EFNA5: variants seen among roughly 807,000 people sequenced by gnomAD.
EFNA5 encodes ephrin A5, also known as ephrin-A5.
A neutral mutation model predicts 22.9 loss-of-function variants in EFNA5; 5 were observed. The ratio of observed to expected loss-of-function variants is 0.22; its 90% CI spans 0.11 to 0.46. The LOEUF (loss-of-function observed/expected upper bound fraction) is 0.46. EFNA5 is among the 20% of genes least tolerant of loss of function. The pLI is 0.99. For missense variants in EFNA5, 237 were observed against 293.3 expected, an observed-to-expected ratio of 0.81 and a Z score of 1.40; for synonymous variants, 113 against 112.2, an observed-to-expected ratio of 1.01 and a Z score of -0.04.
intron 1 of EFNA5, among the ~76,000 whole-genome samples, chr5:107,559,404 T>C (rs1307163410): frequency 1.3e-5 from 2 of 152,236 alleles, no homozygotes; most frequent in East Asian, 3.8e-4. Flanking sequence ...GGATATAGTA[T>C]AGCAACAGGC....
intron 1 of EFNA5, among the ~76,000 whole-genome samples, chr5:107,630,893 A>G (rs1750235371): frequency 6.6e-6 from 1 of 152,148 alleles, no homozygotes; most frequent in Admixed American, 6.5e-5. Flanking sequence ...AAACGAAGAC[A>G]TAAACTCACA....
chr5:107,509,144 T>C (rs1260370342), intron 1 of EFNA5, among the ~76,000 whole-genome samples: 1 of 152,310 alleles, frequency 6.6e-6, no homozygotes, highest in East Asian at 1.9e-4. Context: ...TAGCGTGACA[T>C]GTTAGTAGTC....
intron 1 of EFNA5, among the ~76,000 whole-genome samples, chr5:107,596,069 A>C (rs891543910): frequency 6.6e-6 from 1 of 152,234 alleles, no homozygotes; most frequent in Non-Finnish European, 1.5e-5. Context: ...AATGGGAAGC[A>C]GTACAGCTAA....
Position 107,515,356 on chromosome 5 carries a change from T to TTTAA in EFNA5, c.126-87848_126-87847insTTAA, listed in dbSNP as rs1747454294. 2.4e-5 allele frequency among the ~76,000 whole-genome samples: 3 copies of TTTAA among 125,952 alleles called. No individual in the cohort carries two copies. The South Asian group carries it at 8.3e-4, about 35-fold the overall frequency. The allele number at this position is 125,952 out of a possible 152,430, so 82.6% of individuals were successfully genotyped here. Reference sequence around the variant, plus strand: ...CCAGCATCAAGACATGGTTTTTATTTTTTATTTTATTATTATTATTATTAT... The same window carrying TTTAA: ...CCAGCATCAAGACATGGTTTTTATTTTTAATTTATTTTATTATTATTATTATTAT... On this transcript the variant is annotated intron_variant, in intron 1 of 4. Coordinates refer to ENST00000333274, the MANE Select transcript of EFNA5 (RefSeq NM_001962.3).
intron 1 of EFNA5, among the ~76,000 whole-genome samples, chr5:107,597,835 C>A (rs1231414944): frequency 6.6e-6 from 1 of 152,122 alleles, no homozygotes; most frequent in East Asian, 1.9e-4. Flanking sequence ...ACTGAAAATT[C>A]TTCAGCTGCT....
At position 107,473,164 on chromosome 5, in the gene EFNA5, C is replaced by A. The variant is rs116533671; in HGVS notation, c.126-45655G>T. On this transcript the variant is annotated intron_variant, in intron 1 of 4. Coordinates refer to ENST00000333274, the MANE Select transcript of EFNA5 (RefSeq NM_001962.3). ...GTTGGAAGTTGTAGCCTTTGTACTG[C>A]TGACATTGGTTGAAACTTTGCCTCT... is the stretch of plus-strand genomic sequence containing the variant. 7.7e-3 allele frequency among the ~76,000 whole-genome samples: 1,178 copies of A among 152,100 alleles called. 20 individuals are homozygous for A. The highest frequency in any genetic ancestry group is 0.027 in the African/African-American group (1,135 of 41,484).
intron 1 of EFNA5, among the ~76,000 whole-genome samples, chr5:107,502,176 C>T (rs892263106): frequency 6.6e-6 from 1 of 152,194 alleles, no homozygotes; most frequent in Non-Finnish European, 1.5e-5. Context: ...GGCACACTGG[C>T]CATCCACTGC....
chr5:107,596,767 G>A (rs895894393), intron 1 of EFNA5, among the ~76,000 whole-genome samples: 2 of 151,912 alleles, frequency 1.3e-5, no homozygotes, highest in Admixed American at 6.6e-5. Flanking sequence ...CATTCTCCCC[G>A]TCCAAAGTAG....
intron 1 of EFNA5, among the ~76,000 whole-genome samples, chr5:107,596,319 AT>A (rs935946061): frequency 9.9e-5 from 15 of 152,222 alleles, no homozygotes; most frequent in Middle Eastern, 3.4e-3. Context: ...TGGCAACCAT[AT>A]TTCCAGAGCT....
intron 2 of EFNA5, among the ~76,000 whole-genome samples, chr5:107,401,518 C>T (rs574955213): frequency 2.0e-5 from 3 of 152,294 alleles, no homozygotes; most frequent in East Asian, 1.9e-4. Flanking sequence ...ACAGCCTCTC[C>T]CCTGTGATAC....
chr5:107,454,704 G>A lies in EFNA5; in HGVS notation c.126-27195C>T, dbSNP rs568250123. 8.5e-5 allele frequency among the ~76,000 whole-genome samples: 13 copies of A among 152,184 alleles called. No homozygotes were observed. The South Asian group carries it at 2.3e-3, about 27-fold the overall frequency. Reference sequence around the variant, plus strand: ...AAAGCTAAGGTCATTTGGTTCCTGTGAGAATGTAAAATGTATACTTTATTT... The same window carrying A: ...AAAGCTAAGGTCATTTGGTTCCTGTAAGAATGTAAAATGTATACTTTATTT... On this transcript the variant is annotated intron_variant, in intron 1 of 4. Coordinates refer to ENST00000333274, the MANE Select transcript of EFNA5 (RefSeq NM_001962.3).
chr5:107,628,789 T>A (rs1750188470), intron 1 of EFNA5, among the ~76,000 whole-genome samples: 1 of 152,122 alleles, frequency 6.6e-6, no homozygotes, highest in Non-Finnish European at 1.5e-5. Flanking sequence ...AAGGCCTTAT[T>A]TAGGACAAAG....
chr5:107,617,857 G>T (rs375166636), intron 1 of EFNA5, among the ~76,000 whole-genome samples: 158 of 152,178 alleles, frequency 1.0e-3, no homozygotes, highest in African/African-American at 3.7e-3. Flanking sequence ...AAAAAACTCA[G>T]ATTCAAAAAT....
chr5:107,594,315 A>T (rs10037733), intron 1 of EFNA5, among the ~76,000 whole-genome samples: 1 of 152,032 alleles, frequency 6.6e-6, no homozygotes. Flanking sequence ...CTAAAGCTAC[A>T]CCAGGCTCAT....
intron 1 of EFNA5, among the ~76,000 whole-genome samples, chr5:107,434,904 T>G (rs1306615852): frequency 2.0e-5 from 3 of 152,226 alleles, no homozygotes; most frequent in Non-Finnish European, 4.4e-5. Context: ...ACTTCTTTAA[T>G]TACAAGGCAA....
chr5:107,443,245 G>A (rs1375434258), intron 1 of EFNA5, among the ~76,000 whole-genome samples: 1 of 152,220 alleles, frequency 6.6e-6, no homozygotes, highest in Non-Finnish European at 1.5e-5. Flanking sequence ...CAATGAAGAT[G>A]ACTTGGCAGT....
intron 2 of EFNA5, among the ~76,000 whole-genome samples, chr5:107,394,698 A>T (rs1325145023): frequency 2.0e-5 from 3 of 152,114 alleles, no homozygotes; most frequent in Non-Finnish European, 4.4e-5. Context: ...CTAATAACTA[A>T]CCTGAGTATT....
chr5:107,387,523 T>G (rs778396811), intron 3 of EFNA5, among the ~76,000 whole-genome samples, 183 bp downstream of exon 3: 1 of 152,208 alleles, frequency 6.6e-6, no homozygotes, highest in Non-Finnish European at 1.5e-5. Context: ...GCTGTGTACT[T>G]AAGTAAAAGC....
intron 1 of EFNA5, among the ~76,000 whole-genome samples, chr5:107,593,192 C>G (rs552845339): frequency 6.6e-6 from 1 of 152,154 alleles, no homozygotes; most frequent in Non-Finnish European, 1.5e-5. Flanking sequence ...AGATACTAAT[C>G]AGATACAGAG....
Sources: gnomAD v4.1 joint callset for allele counts (sites outside exome capture counted in the v4.1 genomes callset) on GRCh38, gnomAD v4.1.1 for gene constraint, MANE v1.5 for transcripts, NCBI Gene and HGNC (gene_info 2026-07-23, HGNC 2026-07-21) for gene names.